Variants in GPHN observed in about 807,000 individuals in gnomAD.
GPHN encodes the protein gephyrin.
A neutral mutation model predicts 95.5 loss-of-function variants in GPHN; 17 were observed. That is an observed-to-expected ratio of 0.18 (90% CI 0.12 to 0.27). GPHN has a LOEUF of 0.27. GPHN is among the 10% of genes least tolerant of loss of function. The pLI, the probability that GPHN is intolerant of heterozygous loss-of-function variation, is 1.00. For missense variants in GPHN, 660 were observed against 978.1 expected (o/e 0.67, Z 4.34); for synonymous variants, 320 against 322.5 (o/e 0.99, Z 0.08).
the GPHN span, among the ~76,000 whole-genome samples, chr14:67,190,240 T>C: frequency 6.7e-6 from 1 of 148,228 alleles, no homozygotes; most frequent in African/African-American, 2.5e-5. Flanking sequence ...TTTTTTTTTT[T>C]TGAGACACAG....
chr14:66,949,991 A>AG (rs1427033829), intron 8 of GPHN, among the ~76,000 whole-genome samples: 150 of 132,400 alleles, frequency 1.1e-3, no homozygotes, highest in African/African-American at 4.4e-3. Flanking sequence ...GCTTTAGGAC[A>AG]GGAAAAAAAA....
chr14:67,252,648 G>C, the GPHN span, among the ~76,000 whole-genome samples: 8 of 152,168 alleles, frequency 5.3e-5, no homozygotes, highest in Non-Finnish European at 1.0e-4. Context: ...TGAATTGTAG[G>C]ACACCCAGTC....
intron 9 of GPHN, chr14:66,985,627 T>G: frequency 1.7e-6 from 2 of 1,201,276 alleles, no homozygotes; most frequent in Non-Finnish European, 2.4e-6. Flanking sequence ...TAGAAAAATT[T>G]TTAAGTTCAC....
chr14:67,629,858 G>A, the GPHN span, among the ~76,000 whole-genome samples: 1 of 152,030 alleles, frequency 6.6e-6, no homozygotes, highest in Admixed American at 6.6e-5. Context: ...GTGTGGATCC[G>A]ATAGATACTT....
chr14:67,430,888 C>G, the GPHN span, among the ~76,000 whole-genome samples: 1 of 152,106 alleles, frequency 6.6e-6, no homozygotes, highest in Non-Finnish European at 1.5e-5. Flanking sequence ...GAGCATAAAG[C>G]CTCAAAGTGT....
the GPHN span, among the ~76,000 whole-genome samples, chr14:67,416,381 C>G: frequency 2.6e-5 from 4 of 152,144 alleles, no homozygotes; most frequent in African/African-American, 9.7e-5. Flanking sequence ...TGCTAGAGAA[C>G]TGGGCGGTGA....
chr14:67,046,391 C>T (rs2075019889), intron 10 of GPHN, among the ~76,000 whole-genome samples: 1 of 152,044 alleles, frequency 6.6e-6, no homozygotes, highest in South Asian at 2.1e-4. Flanking sequence ...TGGCAGAAAA[C>T]TATGAAATAG....
chr14:67,362,044 G>A, the GPHN span, among the ~76,000 whole-genome samples: 1 of 74,640 alleles, frequency 1.3e-5, no homozygotes, highest in African/African-American at 4.8e-5. Context: ...TTTTTTTTTT[G>A]AGACAGAGTC....
chr14:66,775,664 C>T (rs1370037291), intron 2 of GPHN, among the ~76,000 whole-genome samples: 1 of 152,034 alleles, frequency 6.6e-6, no homozygotes, highest in Non-Finnish European at 1.5e-5. Context: ...ATGTTTCTGT[C>T]TCAATTTTCC....
chr14:66,956,064 T>C (rs2068487309), intron 8 of GPHN, among the ~76,000 whole-genome samples: 1 of 152,208 alleles, frequency 6.6e-6, no homozygotes, highest in Non-Finnish European at 1.5e-5. Context: ...TCTTTCAATG[T>C]TTTTGTGTTC....
chr14:66,660,856 C>T (rs1481819515), intron 1 of GPHN, among the ~76,000 whole-genome samples: 2 of 152,108 alleles, frequency 1.3e-5, no homozygotes, highest in Non-Finnish European at 2.9e-5. Flanking sequence ...AGAACCTACC[C>T]CTGCCCAGGG....
chr14:67,189,531 CAGG>C, the GPHN span: 3 of 152,168 alleles, frequency 2.0e-5, no homozygotes, highest in Non-Finnish European at 4.4e-5. Context: ...AGTCGACATC[CAGG>C]AGATCTCCAG....
chr14:66,976,649 T>G (rs2070243599), intron 9 of GPHN, among the ~76,000 whole-genome samples: 1 of 152,202 alleles, frequency 6.6e-6, no homozygotes, highest in Admixed American at 6.5e-5. Context: ...TCATTGAATA[T>G]TTCAGTGAAT....
chr14:66,784,876 T>A (rs1222394469), intron 3 of GPHN, among the ~76,000 whole-genome samples: 1 of 152,206 alleles, frequency 6.6e-6, no homozygotes, highest in Non-Finnish European at 1.5e-5. Flanking sequence ...CCTATGGTCT[T>A]AATACTTACC....
chr14:67,285,156 A>C, the GPHN span, among the ~76,000 whole-genome samples: 1 of 152,204 alleles, frequency 6.6e-6, no homozygotes, highest in South Asian at 2.1e-4. Context: ...GAGGAAAAGA[A>C]ATCTTAAAAG....
At chr14:67,009,085 T>G (rs2072805075) in intron 9 of GPHN, among the ~76,000 whole-genome samples, 1 of 152,236 alleles carries the variant, frequency 6.6e-6, no homozygotes, top group Non-Finnish European at 1.5e-5. Context: ...ACTTTATTTT[T>G]TCTTGTGCTT....
chr14:66,849,928 T>C (rs2062507237), intron 4 of GPHN, among the ~76,000 whole-genome samples: 2 of 152,134 alleles, frequency 1.3e-5, no homozygotes, highest in Admixed American at 6.6e-5. Flanking sequence ...TCACTCATGC[T>C]CTTAACAACA....
At chr14:67,411,778 A>T in the GPHN span, among the ~76,000 whole-genome samples, 1 of 152,216 alleles carries the variant, frequency 6.6e-6, no homozygotes, top group Non-Finnish European at 1.5e-5. Context: ...CCCCGACTCC[A>T]TACTGCGCTA....
chr14:66,510,880 CAG>C (rs1232731028), intron 1 of GPHN, among the ~76,000 whole-genome samples: 2 of 151,982 alleles, frequency 1.3e-5, no homozygotes, highest in African/African-American at 4.8e-5. Flanking sequence ...TAAAGACAGT[CAG>C]GGGAAGCCGT....
Sources: gnomAD v4.1 joint callset for allele counts (sites outside exome capture counted in the v4.1 genomes callset) on GRCh38, gnomAD v4.1.1 for gene constraint, MANE v1.5 for transcripts, NCBI Gene and HGNC (gene_info 2026-07-23, HGNC 2026-07-21) for gene names.